Variants in U2SURP observed in about 807,000 individuals in gnomAD.
The protein encoded by U2SURP is U2 snRNP associated SURP domain containing, also known as U2 snRNP-associated SURP motif-containing protein.
Under a neutral mutation model 144.9 loss-of-function variants are expected in U2SURP, and 9 were observed. The observed-to-expected ratio is 0.06, with a 90% CI of 0.04 to 0.11. The LOEUF is 0.11. U2SURP is among the 10% of genes least tolerant of loss of function. The probability of loss-of-function intolerance (pLI) is 1.00; values close to 1 mark genes in which losing one functional copy is unlikely to be tolerated. For missense variants in U2SURP, 724 were observed against 1,226.7 expected (o/e 0.59, Z 6.12); for synonymous variants, 408 against 396.8 (o/e 1.03, Z -0.33).
Position 143,014,368 on chromosome 3 carries a change from C to T in U2SURP, c.280C>T (p.Arg94Ter). 6.2e-7 allele frequency: 1 copy of T among 1,607,318 alleles called. No homozygotes were observed. The highest frequency in any genetic ancestry group is 8.5e-7 in the Non-Finnish European group (1 of 1,176,310). The change falls in exon 4 of 28, where the codon CGA (arginine) becomes TGA (stop). Residue 94 changes from arginine to a stop codon, truncating the protein, a stop_gained. Coordinates refer to ENST00000473835, the MANE Select transcript of U2SURP (RefSeq NM_001080415.2). LOFTEE classifies it high-confidence loss of function. ...FSIGKMSTAK[R>*]TLSKKEQEEL... Reference sequence around the variant, plus strand: ...TATTGGAAAAATGAGTACAGCTAAGCGAACTTTAAGTAAAAAGGAACAGGA... The same window carrying T: ...TATTGGAAAAATGAGTACAGCTAAGTGAACTTTAAGTAAAAAGGAACAGGA...
intron 6 of U2SURP, 97 bp from the exon 7 acceptor site, chr3:143,019,872 C>T: frequency 1.9e-6 from 1 of 533,806 alleles, no homozygotes. Flanking sequence ...TTAGAACATA[C>T]AATTTGTACT....
At chr3:143,026,929 C>T in intron 13 of U2SURP, 2 of 397,150 alleles carry the variant, frequency 5.0e-6, no homozygotes, top group Non-Finnish European at 9.0e-6. Context: ...TCCTACCCTC[C>T]CTCACCTTTC....
In U2SURP at chr3:143,022,848, T is replaced by C; in HGVS notation, c.1019-5T>C. 6.5e-7 allele frequency: 1 copy of C among 1,549,838 alleles called. No homozygotes were observed. The highest frequency in any genetic ancestry group is 2.3e-5 in the East Asian group (1 of 44,162). On this transcript the variant is annotated splice_region_variant and splice_polypyrimidine_tract_variant and intron_variant, in intron 11 of 27. Transcript: ENST00000473835. The stretch of plus-strand genomic sequence containing the variant: ...ACAAAATGACCTTTCATTTCTTTCT[T>C]GTAGGAAAAATGATTATGTCTTTTG...
At chr3:143,039,204 T>C (rs1328127906) in intron 23 of U2SURP, among the ~76,000 whole-genome samples, 1 of 151,954 alleles carries the variant, frequency 6.6e-6, no homozygotes, top group Non-Finnish European at 1.5e-5. Context: ...ACTTTGTAGT[T>C]ACTAATTGGT....
chr3:143,004,016 A>T (rs528832266), intron 1 of U2SURP, among the ~76,000 whole-genome samples: 2 of 152,058 alleles, frequency 1.3e-5, no homozygotes, highest in South Asian at 4.1e-4. Flanking sequence ...TATTTCTAAC[A>T]CATAATTTAT....
At position 143,010,824 on chromosome 3, in the gene U2SURP, T is replaced by C; in HGVS notation, c.55T>C (p.Ser19Pro). ...TTTTTGATACTTGTAGACGAGATCATCAGATGTTCATTCATCTGGATCTTC... is the reference window on the plus strand; with the variant it reads ...TTTTTGATACTTGTAGACGAGATCACCAGATGTTCATTCATCTGGATCTTC... ...SQKASSKTRS[S>P]DVHSSGSSDA... The change falls in exon 2 of 28, where the codon TCA becomes CCA. Residue 19 changes from serine to proline, a missense_variant. Transcript: ENST00000473835. 6.2e-7 allele frequency: 1 copy of C among 1,607,526 alleles called. No individual in the cohort carries two copies. The highest frequency in any genetic ancestry group is 1.7e-5 in the Admixed American group (1 of 59,718).
At chr3:143,027,454 G>A (rs912582050) in intron 14 of U2SURP, among the ~76,000 whole-genome samples, 2 of 152,074 alleles carry the variant, frequency 1.3e-5, no homozygotes, top group African/African-American at 4.8e-5. Flanking sequence ...CTTCTAGCCC[G>A]TTAGCCCCGG....
At chr3:143,044,653 T>C (rs1438166935) in intron 24 of U2SURP, among the ~76,000 whole-genome samples, 1 of 152,196 alleles carries the variant, frequency 6.6e-6, no homozygotes, top group Non-Finnish European at 1.5e-5. Flanking sequence ...CTAAAGAATG[T>C]ATGAGAGTGA....
rs2108324127 is a variant in U2SURP, at chr3:143,056,939, A to G, written c.*489A>G. 6.5e-6 allele frequency: 1 copy of G among 154,382 alleles called. No homozygotes were observed. The highest frequency in any genetic ancestry group is 2.0e-4 in the South Asian group (1 of 4,960). 9.6% of individuals were successfully genotyped at this position (154,382 alleles called of 1,614,324 possible). The stretch of plus-strand genomic sequence containing the variant: ...GTGCTTCTTATACCTGATGCACTTT[A>G]TAAGCCCCAGTGTTCAAGTAGCTTA... On this transcript the variant is annotated 3_prime_UTR_variant, in exon 28 of 28. Coordinates refer to ENST00000473835, the MANE Select transcript of U2SURP (RefSeq NM_001080415.2).
At chr3:143,003,677 CTT>C (rs60505715) in intron 1 of U2SURP, among the ~76,000 whole-genome samples, 1,165 of 101,376 alleles carry the variant, frequency 0.011, 1 homozygote, top group South Asian at 0.03. Flanking sequence ...TATTTTATTT[CTT>C]TTTTTTTTTT....
intron 23 of U2SURP, among the ~76,000 whole-genome samples, chr3:143,040,354 G>C (rs549410081): frequency 9.9e-5 from 15 of 151,800 alleles, no homozygotes; most frequent in African/African-American, 3.6e-4. Flanking sequence ...AGGAATTTCA[G>C]GTAAATCATG....
intron 26 of U2SURP, 86 bp downstream of exon 26, chr3:143,053,880 A>C (rs770448840): frequency 7.2e-6 from 8 of 1,111,160 alleles, no homozygotes; most frequent in Non-Finnish European, 9.9e-6. Flanking sequence ...TGATGCCCGC[A>C]AACTGGAAGT....
intron 18 of U2SURP, among the ~76,000 whole-genome samples, chr3:143,033,861 A>G (rs770524997): frequency 3.3e-5 from 5 of 152,188 alleles, no homozygotes; most frequent in Non-Finnish European, 7.3e-5. Context: ...AATTTTTTGG[A>G]AAGATTTTAT....
chr3:143,023,162 A>G (rs897486553), intron 12 of U2SURP, 98 bp downstream of exon 12: 6 of 1,131,810 alleles, frequency 5.3e-6, no homozygotes, highest in African/African-American at 1.6e-5. Flanking sequence ...TGTGTGTGTA[A>G]TTCTGTTTGG....
intron 3 of U2SURP, 59 bp downstream of exon 3, chr3:143,012,412 C>A (rs575877846): frequency 8.3e-6 from 12 of 1,450,054 alleles, no homozygotes; most frequent in Middle Eastern, 1.8e-4. Context: ...TTTAATCTGT[C>A]TTTGACTGAA....
chr3:143,028,695 G>T (rs1416829264), intron 16 of U2SURP, 49 bp downstream of exon 16: 1 of 1,476,632 alleles, frequency 6.8e-7, no homozygotes, highest in African/African-American at 1.4e-5. Context: ...TAACTGTAAT[G>T]GTTGCTTTAA....
chr3:143,041,813 A>G (rs1934121850), intron 23 of U2SURP, among the ~76,000 whole-genome samples: 1 of 152,074 alleles, frequency 6.6e-6, no homozygotes, highest in African/African-American at 2.4e-5. Context: ...GCGAGATTCA[A>G]GTATTAAAGG....
chr3:143,033,133 C>T, intron 17 of U2SURP, 138 bp from the exon 18 acceptor site: 3 of 826,366 alleles, frequency 3.6e-6, no homozygotes, highest in Non-Finnish European at 1.9e-6. Context: ...AATGGGTTAA[C>T]AAATTTCATC....
chr3:143,016,736 C>T, intron 5 of U2SURP, 106 bp from the exon 6 acceptor site: 1 of 951,906 alleles, frequency 1.1e-6, no homozygotes, highest in Non-Finnish European at 1.5e-6. Context: ...AATAGTGATA[C>T]ATCTTAATAC....
Sources: allele counts gnomAD v4.1 joint callset (sites outside exome capture counted in the v4.1 genomes callset), GRCh38; gene constraint gnomAD v4.1.1; transcripts MANE v1.5; gene names NCBI Gene and HGNC (gene_info 2026-07-23, HGNC 2026-07-21).